Variants in ADAMTS6 observed in about 807,000 individuals in gnomAD.
ADAMTS6 encodes A disintegrin and metalloproteinase with thrombospondin motifs 6.
ADAMTS6 carries 23 observed loss-of-function variants against 144.3 expected under a neutral mutation model. That is an observed-to-expected ratio of 0.16 (90% CI 0.11 to 0.23). The LOEUF (loss-of-function observed/expected upper bound fraction) is 0.23, where lower values mean the gene tolerates loss of function less well. ADAMTS6 is among the 10% of genes least tolerant of loss of function. The probability of loss-of-function intolerance (pLI) is 1.00; values close to 1 mark genes in which losing one functional copy is unlikely to be tolerated. For synonymous variants in ADAMTS6, 444 were observed against 457.5 expected (o/e 0.97, Z 0.38); for missense variants, 999 against 1,379.6 (o/e 0.72, Z 4.37).
At chr5:65,208,238 A>C (rs1219608473) in intron 20 of ADAMTS6, among the ~76,000 whole-genome samples, 8 of 152,222 alleles carry the variant, frequency 5.3e-5, no homozygotes, top group Admixed American at 2.0e-4. Flanking sequence ...AATCAGTTTC[A>C]AAAGCAGTAC....
At chr5:65,470,692 A>ATATAT in intron 3 of ADAMTS6, 86 bp downstream of exon 3, 1 of 994,582 alleles carries the variant, frequency 1.0e-6, no homozygotes, top group Non-Finnish European at 1.3e-6. Flanking sequence ...ATATATATAT[A>ATATAT]TTTTTTTTTT....
At chr5:65,270,840 G>C (rs1392743670) in intron 12 of ADAMTS6, among the ~76,000 whole-genome samples, 1 of 152,098 alleles carries the variant, frequency 6.6e-6, no homozygotes, top group African/African-American at 2.4e-5. Flanking sequence ...GGAGGCCTTT[G>C]GAGGTATGTC....
intron 11 of ADAMTS6, among the ~76,000 whole-genome samples, chr5:65,289,423 C>T (rs572708450): frequency 2.6e-5 from 4 of 152,266 alleles, no homozygotes; most frequent in South Asian, 2.1e-4. Context: ...ATCCCAGCTA[C>T]TCAGAGGCTG....
At position 65,300,186 on chromosome 5, in the gene ADAMTS6, C is replaced by T. The variant is rs1476347914; in HGVS notation, c.1224-55G>A. On this transcript the variant is annotated intron_variant, in intron 9 of 24. Transcript: ENST00000381055. ...AATAAATAAGAAAAAAACCCCAACA[C>T]ATCCCTTATTTCCTTATTTGGCCAT... 6.6e-5 allele frequency: 102 copies of T among 1,543,128 alleles called. No homozygotes were observed. In the South Asian group the frequency reaches 1.2e-3, roughly 18 times the overall value.
chr5:65,202,753 G>T (rs935673671), intron 20 of ADAMTS6, among the ~76,000 whole-genome samples: 5 of 152,184 alleles, frequency 3.3e-5, no homozygotes, highest in African/African-American at 7.2e-5. Context: ...ATAGCCAAAT[G>T]ATATTACCTT....
chr5:65,172,077 C>A (rs1279968345), intron 23 of ADAMTS6, among the ~76,000 whole-genome samples: 2 of 151,048 alleles, frequency 1.3e-5, no homozygotes, highest in Non-Finnish European at 2.9e-5. Context: ...ACTCTGAAAG[C>A]ACCCACAGGA....
chr5:65,161,228 G>T (rs1218695787), intron 24 of ADAMTS6, among the ~76,000 whole-genome samples: 13 of 151,828 alleles, frequency 8.6e-5, no homozygotes, highest in African/African-American at 2.4e-5. Context: ...TGTAGAGAAG[G>T]TGTCTCCCTA....
chr5:65,258,388 G>A (rs1760878441), intron 14 of ADAMTS6, among the ~76,000 whole-genome samples: 1 of 152,204 alleles, frequency 6.6e-6, no homozygotes, highest in South Asian at 2.1e-4. Context: ...GAGATAACGA[G>A]AAAGAAAATA....
intron 1 of ADAMTS6, among the ~76,000 whole-genome samples, chr5:65,475,981 A>T (rs1001585072): frequency 1.3e-5 from 2 of 152,090 alleles, no homozygotes; most frequent in Non-Finnish European, 2.9e-5. Flanking sequence ...TCTTAATTTG[A>T]TTCTAACCAA....
chr5:65,174,625 C>T (rs991895110), intron 22 of ADAMTS6, among the ~76,000 whole-genome samples: 2 of 152,202 alleles, frequency 1.3e-5, no homozygotes, highest in Admixed American at 1.3e-4. Context: ...TGATCACCCA[C>T]GGTCTGCCTG....
chr5:65,464,117 T>C (rs56391544), intron 3 of ADAMTS6, among the ~76,000 whole-genome samples: 26,605 of 152,212 alleles, frequency 0.17, 3,073 homozygotes, highest in African/African-American at 0.33. Flanking sequence ...CCTGAAATAG[T>C]TGTTGATTTC....
rs370847559 is a variant in ADAMTS6 at position 65,288,363 on chromosome 5, G to C, written c.1512+2966C>G. 2.0e-5 allele frequency among the ~76,000 whole-genome samples: 3 copies of C among 149,678 alleles called. No individual in the cohort carries two copies. In the East Asian group the frequency reaches 5.9e-4, roughly 29 times the overall value. On this transcript the variant is annotated intron_variant, in intron 11 of 24. Transcript: ENST00000381055. ...GGAGTCTCCCTCTGTAGCCCAGGCTGGACTGGAGTGCAGTGGCACTATCTC... is the reference window on the plus strand; with the variant it reads ...GGAGTCTCCCTCTGTAGCCCAGGCTCGACTGGAGTGCAGTGGCACTATCTC...
At chr5:65,207,801 C>T (rs1756222254) in intron 20 of ADAMTS6, among the ~76,000 whole-genome samples, 1 of 152,212 alleles carries the variant, frequency 6.6e-6, no homozygotes, top group South Asian at 2.1e-4. Flanking sequence ...CTGACTTGTG[C>T]ATCTAAATTA....
chr5:65,248,304 T>C (rs538857962), intron 14 of ADAMTS6, among the ~76,000 whole-genome samples: 16 of 152,276 alleles, frequency 1.1e-4, no homozygotes, highest in African/African-American at 3.4e-4. Flanking sequence ...TTTTTCACTA[T>C]ATATTTACTT....
At chr5:65,299,807 C>T (rs1273962073) in intron 10 of ADAMTS6, among the ~76,000 whole-genome samples, 178 bp downstream of exon 10, 1 of 119,558 alleles carries the variant, frequency 8.4e-6, no homozygotes, top group African/African-American at 3.1e-5. Flanking sequence ...TCTATAAATT[C>T]TATATGAAGA....
intron 9 of ADAMTS6, among the ~76,000 whole-genome samples, chr5:65,306,091 C>T (rs948297947): frequency 2.6e-5 from 4 of 152,166 alleles, no homozygotes; most frequent in African/African-American, 4.8e-5. Flanking sequence ...ATTTATATGG[C>T]CCATATTGTG....
chr5:65,354,769 T>TA (rs111811412), intron 7 of ADAMTS6, among the ~76,000 whole-genome samples: 1 of 151,316 alleles, frequency 6.6e-6, no homozygotes, highest in Non-Finnish European at 1.5e-5. Flanking sequence ...TTAATTGAAT[T>TA]AAAAAAAATA....
intron 7 of ADAMTS6, among the ~76,000 whole-genome samples, chr5:65,414,216 T>C (rs967288327): frequency 2.0e-5 from 3 of 152,146 alleles, no homozygotes; most frequent in Non-Finnish European, 4.4e-5. Context: ...CAACTTTCCA[T>C]TCTTTATCAA....
chr5:65,435,395 T>C lies in ADAMTS6; in HGVS notation c.1073+16080A>G, dbSNP rs528957556. The stretch of plus-strand genomic sequence containing the variant: ...TTCAAATAATTAAAAGCAAATATGA[T>C]AAAAATGTTTACATCTGCTAAATCT... On this transcript the variant is annotated intron_variant, in intron 7 of 24. Transcript: ENST00000381055. 1.2e-4 allele frequency among the ~76,000 whole-genome samples: 18 copies of C among 152,230 alleles called. No individual in the cohort carries two copies. In the East Asian group the frequency reaches 3.5e-3, roughly 29 times the overall value.
Sources: allele counts gnomAD v4.1 joint callset (sites outside exome capture counted in the v4.1 genomes callset), GRCh38; gene constraint gnomAD v4.1.1; transcripts MANE v1.5; gene names NCBI Gene and HGNC (gene_info 2026-07-23, HGNC 2026-07-21).